The following AK7 variants were observed in gnomAD, a reference collection of about 807,000 sequenced individuals.
AK7 encodes the protein adenylate kinase 7.
A neutral mutation model predicts 96.6 loss-of-function variants in AK7; 78 were observed. The ratio of observed to expected loss-of-function variants is 0.81; its 90% CI spans 0.67 to 0.97. The LOEUF (loss-of-function observed/expected upper bound fraction) is 0.97. Ranked by LOEUF, AK7 falls within the 50% of genes least tolerant of loss-of-function variation. The probability of loss-of-function intolerance (pLI) is 0.00; values close to 1 mark genes in which losing one functional copy is unlikely to be tolerated. For missense variants in AK7, 855 were observed against 887.9 expected, an observed-to-expected ratio of 0.96 and a Z score of 0.47; for synonymous variants, 302 against 317.2, an observed-to-expected ratio of 0.95 and a Z score of 0.51.
chr14:96,439,320 GT>G (rs1892822869), intron 6 of AK7, among the ~76,000 whole-genome samples: 1 of 151,940 alleles, frequency 6.6e-6, no homozygotes, highest in South Asian at 2.1e-4. Context: ...AGGAAAGGAG[GT>G]TGAGAAGGGT....
intron 13 of AK7, among the ~76,000 whole-genome samples, chr14:96,471,990 C>T (rs1894920812): frequency 6.6e-6 from 1 of 151,890 alleles, no homozygotes; most frequent in African/African-American, 2.4e-5. Flanking sequence ...TGATTAGTAA[C>T]TTTTGTTTTT....
intron 2 of AK7, 30 bp downstream of exon 2, chr14:96,398,293 G>C: frequency 6.2e-7 from 1 of 1,609,924 alleles, no homozygotes; most frequent in Non-Finnish European, 8.5e-7. Context: ...GCCAGGAGTA[G>C]ACAGAGGGAA....
chr14:96,485,881 C>T (rs1252130073), intron 16 of AK7, among the ~76,000 whole-genome samples: 7 of 151,170 alleles, frequency 4.6e-5, no homozygotes, highest in Admixed American at 6.6e-5. Flanking sequence ...CTGCAAGCTC[C>T]GCCTCCCCGG....
intron 10 of AK7, among the ~76,000 whole-genome samples, chr14:96,452,729 G>A (rs1473862883): frequency 6.6e-6 from 1 of 151,814 alleles, no homozygotes; most frequent in Non-Finnish European, 1.5e-5. Context: ...CAGGATCTCG[G>A]CTCACTGCAA....
intron 2 of AK7, among the ~76,000 whole-genome samples, chr14:96,403,862 A>T (rs1370911333): frequency 1.3e-5 from 2 of 152,108 alleles, no homozygotes. Context: ...ACAATGATCA[A>T]CAGCTGGAAC....
intron 13 of AK7, 130 bp from the exon 14 acceptor site, chr14:96,472,557 T>C: frequency 1.6e-6 from 1 of 639,178 alleles, no homozygotes; most frequent in Non-Finnish European, 2.8e-6. Flanking sequence ...TGAGACTATT[T>C]CTAAAATACA....
chr14:96,419,934 G>A (rs1467433874), intron 4 of AK7, among the ~76,000 whole-genome samples: 1 of 151,384 alleles, frequency 6.6e-6, no homozygotes, highest in Non-Finnish European at 1.5e-5. Context: ...GATTACAGGT[G>A]CCTGCCACCA....
chr14:96,452,004 G>A (rs1352366730), intron 10 of AK7, among the ~76,000 whole-genome samples: 1 of 152,180 alleles, frequency 6.6e-6, no homozygotes, highest in African/African-American at 2.4e-5. Flanking sequence ...GGGTATACAT[G>A]TGGGAGGTAG....
chr14:96,404,150 T>TAAAAA (rs34091316), intron 2 of AK7, among the ~76,000 whole-genome samples: 17 of 99,738 alleles, frequency 1.7e-4, no homozygotes, highest in Non-Finnish European at 2.4e-4. Context: ...TGTCTCAAAT[T>TAAAAA]AAAAAAAAAA....
chr14:96,422,935 A>C (rs977469294), intron 5 of AK7, among the ~76,000 whole-genome samples: 2 of 152,198 alleles, frequency 1.3e-5, no homozygotes, highest in Non-Finnish European at 2.9e-5. Flanking sequence ...TTTTTCATTC[A>C]GGGTTTTTAT....
chr14:96,481,155 C>G (rs781624186), intron 15 of AK7, among the ~76,000 whole-genome samples: 29 of 152,102 alleles, frequency 1.9e-4, no homozygotes, highest in Admixed American at 1.3e-4. Flanking sequence ...AAGGGCAACT[C>G]TGCTGGTCAC....
intron 12 of AK7, among the ~76,000 whole-genome samples, chr14:96,462,705 A>G (rs1894318945): frequency 6.6e-6 from 1 of 152,202 alleles, no homozygotes; most frequent in Non-Finnish European, 1.5e-5. Context: ...TAAAAAGGGG[A>G]AGAAAAGTCT....
In AK7 at chr14:96,453,090, T is replaced by A. The variant is rs1043201320; in HGVS notation, c.1098+1520T>A. The stretch of plus-strand genomic sequence containing the variant: ...AAGCAAGCATAGTGTCACCATCATA[T>A]CCTTAGAACCGTATTCTCTTGGAAA... On this transcript the variant is annotated intron_variant, in intron 10 of 17. Coordinates refer to ENST00000267584, the MANE Select transcript of AK7 (RefSeq NM_152327.5). Among the ~76,000 whole-genome samples, 8 of 152,134 alleles carry A rather than the reference T, an allele frequency of 5.3e-5. No individual in the cohort carries two copies. In the East Asian group the frequency reaches 1.3e-3, roughly 26 times the overall value.
intron 15 of AK7, among the ~76,000 whole-genome samples, chr14:96,480,931 C>T (rs1361096006): frequency 6.6e-6 from 1 of 152,196 alleles, no homozygotes; most frequent in African/African-American, 2.4e-5. Flanking sequence ...TGGAATGGGG[C>T]CCTGGAAAGA....
chr14:96,472,780 A>T, intron 14 of AK7, 25 bp downstream of exon 14: 2 of 1,582,860 alleles, frequency 1.3e-6, no homozygotes, highest in South Asian at 2.2e-5. Context: ...CTAAGATCAC[A>T]TTTAAAAGAA....
At chr14:96,411,516 A>T (rs963049207) in intron 4 of AK7, among the ~76,000 whole-genome samples, 8 of 152,196 alleles carry the variant, frequency 5.3e-5, no homozygotes, top group East Asian at 1.9e-4. Context: ...GTCTCAAAAA[A>T]AAAAATAAAT....
intron 14 of AK7, among the ~76,000 whole-genome samples, 198 bp downstream of exon 14, chr14:96,472,953 G>A (rs908503961): frequency 3.9e-5 from 6 of 152,088 alleles, no homozygotes; most frequent in South Asian, 4.2e-4. Context: ...GTCGTAGCGT[G>A]TGCCTGTAGT....
chr14:96,449,822 C>T lies in AK7; in HGVS notation c.891C>T (p.Gly297=), dbSNP rs201168417. Residue 297 remains glycine (G), a synonymous_variant, in exon 9 of 18, where the codon GGC becomes GGT. Coordinates refer to ENST00000267584, the MANE Select transcript of AK7 (RefSeq NM_152327.5). ...AACAGTGTATCAGTAAAAATACTGG[C>T]CCTGGGAAAATCCAGAAAATACCCA... The part of the protein sequence containing the change: ...DIVKCISKNT[G]PGKIQKIPRE... The T allele has an allele frequency of 6.2e-7, 1 of 1,610,942 alleles. No individual in the cohort carries two copies. The highest frequency in any genetic ancestry group is 8.5e-7 in the Non-Finnish European group (1 of 1,178,322).
chr14:96,482,439 A>G (rs1236202623), intron 15 of AK7, among the ~76,000 whole-genome samples: 2 of 152,192 alleles, frequency 1.3e-5, no homozygotes, highest in African/African-American at 2.4e-5. Flanking sequence ...GTGACCGTGG[A>G]GATCTCAGTA....
Sources: gnomAD v4.1 joint callset for allele counts (sites outside exome capture counted in the v4.1 genomes callset) on GRCh38, gnomAD v4.1.1 for gene constraint, MANE v1.5 for transcripts, NCBI Gene and HGNC (gene_info 2026-07-23, HGNC 2026-07-21) for gene names.